AGBL4: variants seen among roughly 807,000 people sequenced by gnomAD.
The protein encoded by AGBL4 is cytosolic carboxypeptidase 6.
In AGBL4, 58 loss-of-function variants were observed where a neutral mutation model predicts 66.4. That is an observed-to-expected ratio of 0.87 (90% CI 0.71 to 1.09). AGBL4 has a LOEUF of 1.09. Ranked by LOEUF, AGBL4 falls within the 50% of genes least tolerant of loss-of-function variation. The pLI is 0.00. For missense variants in AGBL4, 579 were observed against 631.0 expected, an observed-to-expected ratio of 0.92 and a Z score of 0.88; for synonymous variants, 234 against 222.9, an observed-to-expected ratio of 1.05 and a Z score of -0.44.
At chr1:49,876,015 C>G (rs1227017891) in intron 1 of AGBL4, among the ~76,000 whole-genome samples, 1 of 145,530 alleles carries the variant, frequency 6.9e-6, no homozygotes, top group African/African-American at 2.5e-5. Context: ...TTTGTTTTTT[C>G]CTTGTAAATT....
intron 5 of AGBL4, among the ~76,000 whole-genome samples, chr1:48,986,409 T>C (rs1660179999): frequency 6.6e-6 from 1 of 151,930 alleles, no homozygotes; most frequent in South Asian, 2.1e-4. Context: ...GAAACTTGAA[T>C]GTAGCTAAAG....
At chr1:49,768,336 T>C (rs574381222) in intron 2 of AGBL4, among the ~76,000 whole-genome samples, 35 of 152,344 alleles carry the variant, frequency 2.3e-4, no homozygotes, top group African/African-American at 7.5e-4. Flanking sequence ...CATGTTCAAG[T>C]AGGCTTTATT....
intron 1 of AGBL4, chr1:49,995,299 T>G: frequency 2.2e-6 from 1 of 454,396 alleles, no homozygotes; most frequent in Non-Finnish European, 4.4e-6. Flanking sequence ...ATAAACTCAG[T>G]GCTATTGGGG....
At chr1:48,894,929 A>G (rs1334528864) in intron 5 of AGBL4, among the ~76,000 whole-genome samples, 1 of 152,240 alleles carries the variant, frequency 6.6e-6, no homozygotes, top group African/African-American at 2.4e-5. Context: ...ATGCTTCATC[A>G]TATTAGCCTT....
intron 1 of AGBL4, among the ~76,000 whole-genome samples, chr1:49,926,382 CCA>C (rs761154269): frequency 6.6e-6 from 1 of 152,086 alleles, no homozygotes; most frequent in Non-Finnish European, 1.5e-5. Context: ...ATCACAATAC[CCA>C]AGTCCCTTTG....
At chr1:49,672,937 AAAAAG>A (rs1558151590) in intron 3 of AGBL4, among the ~76,000 whole-genome samples, 3 of 150,486 alleles carry the variant, frequency 2.0e-5, no homozygotes, top group Non-Finnish European at 4.4e-5. Context: ...AAAAAAAAAA[AAAAAG>A]AAAAGAAAAG....
chr1:49,280,914 A>G (rs1161754560), intron 3 of AGBL4, among the ~76,000 whole-genome samples: 1 of 152,230 alleles, frequency 6.6e-6, no homozygotes, highest in Non-Finnish European at 1.5e-5. Flanking sequence ...AGCAATAATT[A>G]CAACGAAGAA....
intron 1 of AGBL4, among the ~76,000 whole-genome samples, chr1:49,877,651 T>A (rs919467835): frequency 6.6e-6 from 1 of 152,084 alleles, no homozygotes; most frequent in Non-Finnish European, 1.5e-5. Context: ...CCGACTTTGG[T>A]ATCAGAATGA....
chr1:49,344,777 C>T (rs1645606537), intron 3 of AGBL4, among the ~76,000 whole-genome samples: 1 of 152,134 alleles, frequency 6.6e-6, no homozygotes, highest in African/African-American at 2.4e-5. Context: ...TAATGTAAAT[C>T]TGGCCTTCTC....
chr1:48,692,057 A>G (rs79260487), intron 6 of AGBL4, among the ~76,000 whole-genome samples: 2,653 of 152,278 alleles, frequency 0.017, 74 homozygotes, highest in African/African-American at 0.06. Flanking sequence ...CAATTCTACT[A>G]GGAAGAATCT....
At chr1:49,526,790 A>C (rs567122357) in intron 3 of AGBL4, among the ~76,000 whole-genome samples, 1 of 152,300 alleles carries the variant, frequency 6.6e-6, no homozygotes, top group South Asian at 2.1e-4. Flanking sequence ...TCTGTCTGGA[A>C]GAGAAACATT....
At chr1:48,832,096 A>G (rs1297358372) in intron 6 of AGBL4, among the ~76,000 whole-genome samples, 1 of 152,206 alleles carries the variant, frequency 6.6e-6, no homozygotes, top group East Asian at 1.9e-4. Context: ...ACTTTCATAC[A>G]CAAAGTAGAA....
chr1:49,506,242 GA>G (rs1172718441), intron 3 of AGBL4, among the ~76,000 whole-genome samples: 3 of 151,826 alleles, frequency 2.0e-5, no homozygotes, highest in Non-Finnish European at 2.9e-5. Flanking sequence ...TAACAAGAAA[GA>G]AAAAAATTTT....
chr1:49,594,206 A>G (rs917801600), intron 3 of AGBL4, among the ~76,000 whole-genome samples: 1 of 152,208 alleles, frequency 6.6e-6, no homozygotes, highest in Non-Finnish European at 1.5e-5. Context: ...TCAAGGTTCA[A>G]TTGTACGAAA....
intron 6 of AGBL4, among the ~76,000 whole-genome samples, chr1:48,682,621 G>T (rs1170136962): frequency 2.0e-5 from 3 of 152,066 alleles, no homozygotes; most frequent in Non-Finnish European, 4.4e-5. Context: ...TCAAACTCCT[G>T]GGCTCAAGCA....
intron 1 of AGBL4, among the ~76,000 whole-genome samples, chr1:49,880,400 G>A (rs1411929324): frequency 1.3e-5 from 2 of 152,016 alleles, no homozygotes; most frequent in Non-Finnish European, 2.9e-5. Flanking sequence ...TCAGCTGCAG[G>A]TCTGTTGGAA....
chr1:49,359,617 C>T (rs1163154163), intron 3 of AGBL4, among the ~76,000 whole-genome samples: 3 of 152,172 alleles, frequency 2.0e-5, no homozygotes, highest in African/African-American at 7.2e-5. Context: ...CTCTTCCAGA[C>T]ATCAGTATGT....
At chr1:49,797,602 T>G (rs1644761183) in intron 2 of AGBL4, among the ~76,000 whole-genome samples, 1 of 151,932 alleles carries the variant, frequency 6.6e-6, no homozygotes, top group African/African-American at 2.4e-5. Flanking sequence ...CATGGCTAAG[T>G]TTTTAAAATT....
In AGBL4 at chr1:49,247,104, G is replaced by C. The variant is rs541634303; in HGVS notation, c.283-1240C>G. Among the ~76,000 whole-genome samples, 38 of 152,046 alleles carry C rather than the reference G, an allele frequency of 2.5e-4. 1 individual carries two copies. Among genetic ancestry groups the C allele is most frequent in the African/African-American group, 8.7e-4 (36 of 41,534 alleles). On this transcript the variant is annotated intron_variant, in intron 3 of 13. Transcript: ENST00000371839. Reference sequence around the variant, plus strand: ...ACAGAATTGATACTTGAATTCAGGGGATAAACAGATAAGATGTCCATGATT... The same window carrying C: ...ACAGAATTGATACTTGAATTCAGGGCATAAACAGATAAGATGTCCATGATT...
Sources: gnomAD v4.1 joint callset for allele counts (sites outside exome capture counted in the v4.1 genomes callset) on GRCh38, gnomAD v4.1.1 for gene constraint, MANE v1.5 for transcripts, NCBI Gene and HGNC (gene_info 2026-07-23, HGNC 2026-07-21) for gene names.